The following SLC12A4 variants were observed in gnomAD, a reference collection of about 807,000 sequenced individuals.
The protein encoded by SLC12A4 is solute carrier family 12 member 4, also known as electroneutral potassium-chloride cotransporter 1.
Under a neutral mutation model 119.2 loss-of-function variants are expected in SLC12A4, and 84 were observed. The ratio of observed to expected loss-of-function variants is 0.70; its 90% confidence interval spans 0.59 to 0.85. The LOEUF (loss-of-function observed/expected upper bound fraction) is 0.85. Among genes scored for constraint, SLC12A4 ranks in the 40% least tolerant of loss-of-function variants. The pLI, the probability that SLC12A4 is intolerant of heterozygous loss-of-function variation, is 0.00. For missense variants in SLC12A4, 1,298 were observed against 1,476.3 expected, an observed-to-expected ratio of 0.88 and a Z score of 1.98; for synonymous variants, 599 against 604.6, an observed-to-expected ratio of 0.99 and a Z score of 0.14.
chr16:67,961,441 C>A lies in SLC12A4; in HGVS notation c.342+134G>T, dbSNP rs1352139851. ...GCCTCCTGAGACAAGGCATTCAGTG[C>A]CCATCCTCCCTGCTCACTATGCTTG... On this transcript the variant is annotated intron_variant, in intron 3 of 23. Coordinates refer to ENST00000316341, the MANE Select transcript of SLC12A4 (RefSeq NM_005072.5). 11 of 1,314,242 alleles carry A rather than the reference C, an allele frequency of 8.4e-6. No individual in the cohort carries two copies. The Admixed American group carries it at 1.0e-4, about 12-fold the overall frequency. 81.4% of individuals were successfully genotyped at this position (1,314,242 alleles called of 1,614,324 possible).
intron 1 of SLC12A4, 35 bp from the exon 2 acceptor site, chr16:67,963,594 C>T: frequency 1.4e-6 from 2 of 1,469,530 alleles, no homozygotes; most frequent in East Asian, 4.6e-5. Flanking sequence ...GGCCTGCTTC[C>T]TGAGCCCCCC....
At chr16:67,964,225 G>A (rs546221536) in intron 1 of SLC12A4, among the ~76,000 whole-genome samples, 1 of 152,328 alleles carries the variant, frequency 6.6e-6, no homozygotes, top group South Asian at 2.1e-4. Context: ...TGGGAGCTGG[G>A]ACTGCTGGCA....
At chr16:67,968,320 G>C in intron 1 of SLC12A4, 119 bp downstream of exon 1, 1 of 882,870 alleles carries the variant, frequency 1.1e-6, no homozygotes, top group Non-Finnish European at 1.6e-6. Context: ...AAAAAAAGTT[G>C]AGTCCGCACC....
chr16:67,964,137 G>T (rs574611333), intron 1 of SLC12A4: 2 of 1,476,478 alleles, frequency 1.4e-6, no homozygotes, highest in Non-Finnish European at 1.8e-6. Context: ...CGTGGAGAGC[G>T]GAAGTGGATT....
At position 67,951,965 on chromosome 16, in the gene SLC12A4, G is replaced by A. The variant is rs765070411; in HGVS notation, c.990C>T (p.Asp330=). 7.4e-6 allele frequency: 12 copies of A among 1,614,014 alleles called. No homozygotes were observed. The highest frequency in any genetic ancestry group is 1.7e-5 in the Admixed American group (1 of 59,996). Residue 330 remains aspartate, a synonymous_variant, in exon 8 of 24, where the codon GAC becomes GAT. Coordinates refer to ENST00000316341, the MANE Select transcript of SLC12A4 (RefSeq NM_005072.5). The surrounding 1 kb of genome is among the most constrained non-coding windows in gnomAD (Gnocchi z 5.2). ...ATAGCTGGGTGGCCACTGTCTCATT[G>A]TCCACTACAGCTGTCTTGGCACAGA... ...FDICAKTAVV[D]NETVATQLWS...
Position 67,945,150 on chromosome 16 carries a change from C to T in SLC12A4, c.3103G>A (p.Asp1035Asn), listed in dbSNP as rs761143750. The part of the protein sequence containing the change: ...LNEVIVTRSH[D>N]ARLVLLNMPG... The stretch of plus-strand genomic sequence containing the variant: ...ATGTTTAGGAGAACCAGGCGGGCGT[C>T]GTGGGAGCGCGTGACAATGACTTCA... The change falls in exon 23 of 24, where the codon GAC (aspartate) becomes AAC (asparagine). Residue 1035 changes from aspartate (D) to asparagine (N), a missense_variant. Coordinates refer to ENST00000316341, the MANE Select transcript of SLC12A4 (RefSeq NM_005072.5). 9 of 1,597,830 alleles carry T rather than the reference C, an allele frequency of 5.6e-6. No individual in the cohort carries two copies. The highest frequency in any genetic ancestry group is 2.2e-5 in the East Asian group (1 of 44,674).
chr16:67,963,735 G>A (rs2030707612), intron 1 of SLC12A4, among the ~76,000 whole-genome samples, 176 bp from the exon 2 acceptor site: 1 of 152,242 alleles, frequency 6.6e-6, no homozygotes, highest in Non-Finnish European at 1.5e-5. Context: ...CCCAGGGATA[G>A]CCAGAGAGAG....
chr16:67,954,914 T>C (rs943318118), intron 5 of SLC12A4, 141 bp from the exon 6 acceptor site: 18 of 934,486 alleles, frequency 1.9e-5, no homozygotes, highest in Non-Finnish European at 2.9e-5. Flanking sequence ...CTGGGAGACC[T>C]ACCCAGGGCT....
At chr16:67,947,629 C>A in intron 15 of SLC12A4, 40 bp downstream of exon 15, 1 of 1,580,402 alleles carries the variant, frequency 6.3e-7, no homozygotes, top group East Asian at 2.3e-5. Context: ...TCGGCCGGGC[C>A]CCCTCAGCTG....
intron 13 of SLC12A4, 33 bp from the exon 14 acceptor site, chr16:67,948,192 C>CCGAGGAGGCTG: frequency 6.2e-7 from 1 of 1,601,266 alleles, no homozygotes; most frequent in Non-Finnish European, 8.6e-7. Flanking sequence ...CGAAGAGCAG[C>CCGAGGAGGCTG]CTCCTCGGCA....
rs565212919 is a variant in SLC12A4 at position 67,961,677 on chromosome 16, C to T, written c.240G>A (p.Ser80=). 1.9e-5 allele frequency: 31 copies of T among 1,614,186 alleles called. No individual in the cohort carries two copies. The highest frequency in any genetic ancestry group is 6.7e-5 in the African/African-American group (5 of 75,076). The part of the protein sequence containing the change: ...EEELDIRPKV[S]SLLGKLVSYT... ...AGCTGACGAGCTTTCCCAGAAGAGA[C>T]GATACCTTTGGGCGGATGTCCAGCT... The change falls in exon 3 of 24, where the codon TCG becomes TCA. Residue 80 remains serine, a synonymous_variant. Coordinates refer to ENST00000316341, the MANE Select transcript of SLC12A4 (RefSeq NM_005072.5).
intron 6 of SLC12A4, among the ~76,000 whole-genome samples, chr16:67,953,436 C>T (rs1353173948): frequency 1.3e-5 from 2 of 152,026 alleles, no homozygotes; most frequent in African/African-American, 4.8e-5. Flanking sequence ...TAAAAGAAGC[C>T]AGTCACAAAA....
Position 67,950,387 on chromosome 16 carries a change from G to A in SLC12A4, c.1561C>T (p.Gln521Ter), listed in dbSNP as rs548025636. Residue 521 changes from glutamine to a stop codon, truncating the protein, a stop_gained, in exon 12 of 24, where the codon CAG becomes TAG. Coordinates refer to ENST00000316341, the MANE Select transcript of SLC12A4 (RefSeq NM_005072.5). LOFTEE classifies it high-confidence loss of function. The surrounding 1 kb of genome is among the most constrained non-coding windows in gnomAD (Gnocchi z 4.3). The stretch of plus-strand genomic sequence containing the variant: ...AGGCGTGGTGCCCCTGTGAGGCTCT[G>A]GAGGCCAGCGCCACACGTTGAAAAG... ...SFFSTCGAGL[Q>*]SLTGAPRLLQ... 7 of 1,614,026 alleles carry A rather than the reference G, an allele frequency of 4.3e-6. No individual in the cohort carries two copies. Among genetic ancestry groups the A allele is most frequent in the African/African-American group, 1.3e-5 (1 of 75,058 alleles).
chr16:67,953,979 C>A, intron 6 of SLC12A4: 1 of 173,730 alleles, frequency 5.8e-6, no homozygotes. Context: ...GATTCAGGTG[C>A]AGGGTCCTGC....
At chr16:67,954,878 T>C in intron 5 of SLC12A4, 105 bp from the exon 6 acceptor site, 4 of 1,432,704 alleles carry the variant, frequency 2.8e-6, no homozygotes, top group Non-Finnish European at 3.8e-6. Flanking sequence ...GGGACTGCTT[T>C]TCCTGTTTGT....
chr16:67,968,144 G>A (rs2030943393), intron 1 of SLC12A4, among the ~76,000 whole-genome samples: 1 of 152,106 alleles, frequency 6.6e-6, no homozygotes, highest in African/African-American at 2.4e-5. Context: ...CCCAAGCCGG[G>A]CGGCCCGGCC....
rs2058395251 is a variant in SLC12A4, at chr16:67,949,980, C to A, written c.1630-62G>T. 2.2e-6 allele frequency: 3 copies of A among 1,356,264 alleles called. No individual in the cohort carries two copies. The highest frequency in any genetic ancestry group is 3.1e-6 in the Non-Finnish European group (3 of 952,970). The allele number at this position is 1,356,264 out of a possible 1,614,324, so 84.0% of individuals were successfully genotyped here. ...CCCATTCCACACCTTGGGCCCCAGA[C>A]CCCAGCCTGGCCTCCCTCACCCCCA... On this transcript the variant is annotated intron_variant, in intron 12 of 23. Transcript: ENST00000316341. This position sits in a 1 kb window ranked among gnomAD's most constrained non-coding sequence, Gnocchi z 4.6.
Position 67,944,609 on chromosome 16 carries a change from G to A in SLC12A4, c.*231C>T, listed in dbSNP as rs1277523280. The stretch of plus-strand genomic sequence containing the variant: ...TCTCTGGCCAGGACAGGCCTACTGG[G>A]GTGCTAGATAGTAAAGTCCCCAAAC... On this transcript the variant is annotated 3_prime_UTR_variant, in exon 24 of 24. Transcript: ENST00000316341. This position sits in a 1 kb window ranked among gnomAD's most constrained non-coding sequence, Gnocchi z 6.6. The A allele has an allele frequency of 1.4e-5, 20 of 1,390,080 alleles. No individual in the cohort carries two copies. Among genetic ancestry groups the A allele is most frequent in the Non-Finnish European group, 1.8e-5 (19 of 1,074,148 alleles). The allele number at this position is 1,390,080 out of a possible 1,614,324, so 86.1% of individuals were successfully genotyped here. A position where few individuals can be genotyped will look rare whatever the true frequency, so the allele number is the denominator to read the frequency against.
At chr16:67,958,583 C>T (rs1225055877) in intron 3 of SLC12A4, among the ~76,000 whole-genome samples, 3 of 152,164 alleles carry the variant, frequency 2.0e-5, no homozygotes, top group African/African-American at 7.2e-5. Flanking sequence ...CCAGCCCACT[C>T]TGCTGCTATA....
Sources: allele counts gnomAD v4.1 joint callset (sites outside exome capture counted in the v4.1 genomes callset), GRCh38; gene constraint gnomAD v4.1.1; non-coding constraint Gnocchi (gnomAD v3.1); transcripts MANE v1.5; gene names NCBI Gene and HGNC (gene_info 2026-07-23, HGNC 2026-07-21).